ROR1: variants seen among roughly 807,000 people sequenced by gnomAD.
ROR1 encodes inactive tyrosine-protein kinase transmembrane receptor ROR1.
ROR1 carries 19 observed loss-of-function variants against 78.8 expected under a neutral mutation model. That is an observed-to-expected ratio of 0.24 (90% CI 0.17 to 0.35). The LOEUF (loss-of-function observed/expected upper bound fraction) is 0.35, where lower values mean the gene tolerates loss of function less well. ROR1 is among the 10% of genes least tolerant of loss of function. The pLI is 1.00. For synonymous variants in ROR1, 386 were observed against 433.6 expected, an observed-to-expected ratio of 0.89 and a Z score of 1.36; for missense variants, 917 against 1,177.8, an observed-to-expected ratio of 0.78 and a Z score of 3.24.
rs80085895 is a variant in ROR1, at chr1:63,969,214, G to T, written c.92-40091G>T. 1.2e-3 allele frequency among the ~76,000 whole-genome samples: 176 copies of T among 152,280 alleles called. 3 individuals are homozygous for T. The East Asian group carries it at 0.031, about 27-fold the overall frequency. On this transcript the variant is annotated intron_variant, in intron 1 of 8. Coordinates refer to ENST00000371079, the MANE Select transcript of ROR1 (RefSeq NM_005012.4). Reference sequence around the variant, plus strand: ...AAAGAATGAAGAAGATGGAAGACTTGCTGTCATAAAGATTAATGCCCATTG... The same window carrying T: ...AAAGAATGAAGAAGATGGAAGACTTTCTGTCATAAAGATTAATGCCCATTG...
intron 1 of ROR1, among the ~76,000 whole-genome samples, chr1:63,988,738 T>C (rs1646270843): frequency 6.6e-6 from 1 of 152,244 alleles, no homozygotes; most frequent in East Asian, 1.9e-4. Flanking sequence ...AATCATATAG[T>C]ATTTGTCCTT....
chr1:63,826,867 C>G (rs1644956769), intron 1 of ROR1, among the ~76,000 whole-genome samples: 1 of 152,006 alleles, frequency 6.6e-6, no homozygotes, highest in South Asian at 2.1e-4. Context: ...TGGTATCTCA[C>G]TGTGGTTTTG....
At chr1:63,866,935 A>T (rs1645219178) in intron 1 of ROR1, among the ~76,000 whole-genome samples, 1 of 152,194 alleles carries the variant, frequency 6.6e-6, no homozygotes. Context: ...TTCTTGTGAT[A>T]GATTAATTGA....
At chr1:63,786,200 GA>G (rs1489176659) in intron 1 of ROR1, among the ~76,000 whole-genome samples, 3 of 143,290 alleles carry the variant, frequency 2.1e-5, no homozygotes, top group African/African-American at 7.5e-5. Flanking sequence ...TCCCCAGAAA[GA>G]AAGCACCTGG....
At chr1:63,854,715 A>G (rs1174415949) in intron 1 of ROR1, among the ~76,000 whole-genome samples, 3 of 152,232 alleles carry the variant, frequency 2.0e-5, no homozygotes, top group Non-Finnish European at 4.4e-5. Flanking sequence ...TGCTCACTTA[A>G]TGGTGAATGA....
chr1:63,857,538 A>G (rs2100339730), intron 1 of ROR1, among the ~76,000 whole-genome samples: 1 of 152,264 alleles, frequency 6.6e-6, no homozygotes, highest in East Asian at 1.9e-4. Context: ...GTAGACTCAG[A>G]TGGTCTGCAA....
chr1:64,006,363 C>T (rs918928970), intron 1 of ROR1, among the ~76,000 whole-genome samples: 4 of 152,000 alleles, frequency 2.6e-5, no homozygotes, highest in Non-Finnish European at 5.9e-5. Flanking sequence ...ATAGGTGAAC[C>T]GCAGCAGTCC....
chr1:63,992,062 CAT>C (rs1226411004), intron 1 of ROR1, among the ~76,000 whole-genome samples: 1 of 151,938 alleles, frequency 6.6e-6, no homozygotes, highest in Non-Finnish European at 1.5e-5. Flanking sequence ...TCTTTTGATA[CAT>C]GTTTTTATTT....
chr1:64,097,183 AT>A (rs5774680), intron 4 of ROR1, among the ~76,000 whole-genome samples: 90,186 of 150,644 alleles, frequency 0.6, 28,374 homozygotes, highest in African/African-American at 0.81. Context: ...GGGAGAATCC[AT>A]TTTTTTTTTG....
intron 1 of ROR1, chr1:63,843,514 C>A (rs57598178): frequency 1.3e-6 from 1 of 754,836 alleles, no homozygotes; most frequent in African/African-American, 1.7e-5. Flanking sequence ...TGGCTCACAT[C>A]GCCCACCAGG....
intron 1 of ROR1, among the ~76,000 whole-genome samples, chr1:63,998,416 G>A (rs535821226): frequency 2.0e-5 from 3 of 151,756 alleles, no homozygotes; most frequent in African/African-American, 7.2e-5. Context: ...GCATCCTTCT[G>A]TTTGAGGTCC....
intron 1 of ROR1, among the ~76,000 whole-genome samples, chr1:63,967,638 G>T (rs1022121307): frequency 4.6e-5 from 7 of 152,116 alleles, no homozygotes; most frequent in African/African-American, 1.7e-4. Flanking sequence ...AAGATGTTCC[G>T]TTGGCACTGA....
At position 64,159,908 on chromosome 1, in the gene ROR1, T is replaced by C. The variant is rs574664664; in HGVS notation, c.1386+716T>C. Reference sequence around the variant, plus strand: ...GTCCTGGCAAGGAACCCAGGGTCACTGGCCCTTACCTTAAATGGAGCCCCT... The same window carrying C: ...GTCCTGGCAAGGAACCCAGGGTCACCGGCCCTTACCTTAAATGGAGCCCCT... On this transcript the variant is annotated intron_variant, in intron 8 of 8. Transcript: ENST00000371079. 1.9e-3 allele frequency among the ~76,000 whole-genome samples: 293 copies of C among 152,314 alleles called. 3 individuals carry two copies. Among genetic ancestry groups the C allele is most frequent in the Admixed American group, 8.0e-3 (123 of 15,300 alleles).
chr1:64,095,537 G>T (rs1388408651), intron 4 of ROR1, among the ~76,000 whole-genome samples: 1 of 152,142 alleles, frequency 6.6e-6, no homozygotes. Flanking sequence ...GACCAGGAAA[G>T]TCATAGGGGA....
At chr1:64,120,929 G>A (rs1258921604) in intron 4 of ROR1, among the ~76,000 whole-genome samples, 1 of 152,034 alleles carries the variant, frequency 6.6e-6, no homozygotes, top group Admixed American at 6.6e-5. Flanking sequence ...TCTGTTCCCA[G>A]TGTTCACATT....
At chr1:64,036,338 A>G (rs938457890) in intron 2 of ROR1, among the ~76,000 whole-genome samples, 2 of 152,118 alleles carry the variant, frequency 1.3e-5, no homozygotes, top group African/African-American at 2.4e-5. Flanking sequence ...TTTTGTCCTC[A>G]ACAAACTCAC....
At chr1:64,115,074 C>G (rs549800408) in intron 4 of ROR1, among the ~76,000 whole-genome samples, 32 of 152,282 alleles carry the variant, frequency 2.1e-4, no homozygotes, top group Non-Finnish European at 4.0e-4. Context: ...AAGCAATCCC[C>G]CTACCTCAGC....
chr1:64,044,173 G>A (rs937239053), intron 2 of ROR1, among the ~76,000 whole-genome samples: 3 of 152,082 alleles, frequency 2.0e-5, no homozygotes, highest in Non-Finnish European at 4.4e-5. Flanking sequence ...GACTCATACC[G>A]TTCAGGGCCT....
At chr1:63,937,321 T>C (rs965583514) in intron 1 of ROR1, among the ~76,000 whole-genome samples, 7 of 152,230 alleles carry the variant, frequency 4.6e-5, no homozygotes, top group Admixed American at 4.6e-4. Flanking sequence ...CTGTTCTGAA[T>C]TGAGATCTGA....
Sources: allele counts gnomAD v4.1 joint callset (sites outside exome capture counted in the v4.1 genomes callset), GRCh38; gene constraint gnomAD v4.1.1; transcripts MANE v1.5; gene names NCBI Gene and HGNC (gene_info 2026-07-23, HGNC 2026-07-21).